Variants in CAMKMT observed in about 807,000 individuals in gnomAD.
CAMKMT encodes the protein CaM KMT.
Under a neutral mutation model 48.0 loss-of-function variants are expected in CAMKMT, and 53 were observed. The observed-to-expected ratio is 1.10, with a 90% CI of 0.89 to 1.39. The LOEUF (loss-of-function observed/expected upper bound fraction) is 1.39. Ranked by LOEUF, CAMKMT falls within the 40% of genes most tolerant of loss-of-function variation. The pLI, the probability that CAMKMT is intolerant of heterozygous loss-of-function variation, is 0.00. For missense variants in CAMKMT, 428 were observed against 402.7 expected (o/e 1.06, Z -0.54); for synonymous variants, 165 against 152.3 (o/e 1.08, Z -0.61).
chr2:44,681,744 CAA>C, intron 3 of CAMKMT, among the ~76,000 whole-genome samples: 1 of 152,218 alleles, frequency 6.6e-6, no homozygotes, highest in East Asian at 1.9e-4. Flanking sequence ...GCCCTTTGTG[CAA>C]AGTCTTGATG....
intron 3 of CAMKMT, chr2:44,400,894 A>G (rs767595237): frequency 3.4e-5 from 5 of 147,686 alleles, no homozygotes; most frequent in Non-Finnish European, 7.4e-5. Flanking sequence ...TTGTGAGTAC[A>G]TGTATGTGTG....
At chr2:44,407,054 C>T (rs1682830755) in intron 3 of CAMKMT, among the ~76,000 whole-genome samples, 1 of 152,140 alleles carries the variant, frequency 6.6e-6, no homozygotes, top group African/African-American at 2.4e-5. Context: ...CAAAAGTGGT[C>T]ATGCCTCTTC....
At chr2:44,474,485 G>A (rs902324911) in intron 3 of CAMKMT, among the ~76,000 whole-genome samples, 6 of 151,378 alleles carry the variant, frequency 4.0e-5, no homozygotes, top group Non-Finnish European at 4.4e-5. Flanking sequence ...AAGAAATGTA[G>A]TAAGTATCGA....
At chr2:44,715,196 A>G in intron 6 of CAMKMT, 91 bp from the exon 7 acceptor site, 1 of 573,042 alleles carries the variant, frequency 1.7e-6, no homozygotes, top group East Asian at 4.0e-5. Flanking sequence ...CTGTCTCAAA[A>G]AAAAAAAAAA....
At chr2:44,425,403 C>A (rs956822056) in intron 3 of CAMKMT, among the ~76,000 whole-genome samples, 1 of 151,870 alleles carries the variant, frequency 6.6e-6, no homozygotes, top group African/African-American at 2.4e-5. Flanking sequence ...AGAGAAATAG[C>A]AATTGCAAGT....
chr2:44,464,176 C>A (rs1667993768), intron 3 of CAMKMT, among the ~76,000 whole-genome samples: 1 of 152,018 alleles, frequency 6.6e-6, no homozygotes, highest in African/African-American at 2.4e-5. Context: ...AATTCTGGAG[C>A]TGAAGAAAAC....
At position 44,607,277 on chromosome 2, in the gene CAMKMT, C is replaced by A. The variant is rs184382866; in HGVS notation, c.377-97006C>A. ...AGAACATTTTCCTCATGTTTTCTAT[C>A]ATCTCCAATAACATTAAAATGTTTA... On this transcript the variant is annotated intron_variant, in intron 3 of 10. Transcript: ENST00000378494. Among the ~76,000 whole-genome samples, 583 of 152,268 alleles carry A rather than the reference C, an allele frequency of 3.8e-3. 7 individuals carry two copies. Among genetic ancestry groups the A allele is most frequent in the Middle Eastern group, 3.4e-3 (1 of 294 alleles).
chr2:44,711,000 C>G (rs1383773826), intron 6 of CAMKMT, among the ~76,000 whole-genome samples: 2 of 152,112 alleles, frequency 1.3e-5, no homozygotes, highest in Non-Finnish European at 2.9e-5. Flanking sequence ...ATGGGTAAAT[C>G]CCCTGTGCTT....
chr2:44,722,784 C>G (rs1233547044), intron 7 of CAMKMT, among the ~76,000 whole-genome samples: 1 of 152,080 alleles, frequency 6.6e-6, no homozygotes, highest in African/African-American at 2.4e-5. Flanking sequence ...TTTGTTGTCA[C>G]TTTGTTTTGC....
chr2:44,439,825 A>ATAAATAAC (rs1666532197), intron 3 of CAMKMT, among the ~76,000 whole-genome samples: 2 of 142,888 alleles, frequency 1.4e-5, no homozygotes, highest in Admixed American at 1.4e-4. Context: ...AAATAAATAA[A>ATAAATAAC]TAAGAAATGC....
At chr2:44,425,052 A>G (rs1396642711) in intron 3 of CAMKMT, among the ~76,000 whole-genome samples, 1 of 152,222 alleles carries the variant, frequency 6.6e-6, no homozygotes, top group African/African-American at 2.4e-5. Flanking sequence ...AATATTCACA[A>G]TTAGAACACA....
intron 3 of CAMKMT, among the ~76,000 whole-genome samples, chr2:44,465,427 G>A (rs563412366): frequency 3.6e-4 from 54 of 152,088 alleles, no homozygotes; most frequent in African/African-American, 1.1e-3. Flanking sequence ...GTGAAACCCC[G>A]TCTCTACTAA....
Position 44,458,803 on chromosome 2 carries a change from T to C in CAMKMT, c.376+68498T>C, listed in dbSNP as rs146894804. On this transcript the variant is annotated intron_variant, in intron 3 of 10. Transcript: ENST00000378494. ...CTATAGCAATACTTGATACATTAAA[T>C]TGTTTAAAAGTGTTTTTTTTCTTCT... Among the ~76,000 whole-genome samples, 1,414 of 152,290 alleles carry C rather than the reference T, an allele frequency of 9.3e-3. 27 individuals carry two copies. Among genetic ancestry groups the C allele is most frequent in the South Asian group, 0.088 (422 of 4,822 alleles).
At chr2:44,633,051 A>T (rs1446841985) in intron 3 of CAMKMT, among the ~76,000 whole-genome samples, 2 of 152,140 alleles carry the variant, frequency 1.3e-5, no homozygotes, top group African/African-American at 2.4e-5. Flanking sequence ...CAATTTTATT[A>T]ACTGCGTAAA....
chr2:44,397,994 A>G (rs1283186528), intron 3 of CAMKMT, among the ~76,000 whole-genome samples: 1 of 152,240 alleles, frequency 6.6e-6, no homozygotes, highest in East Asian at 1.9e-4. Flanking sequence ...GTTTTAGCAC[A>G]AGATATGCCA....
intron 3 of CAMKMT, chr2:44,457,401 CT>C (rs200637467): frequency 2.5e-3 from 347 of 141,332 alleles, no homozygotes; most frequent in Admixed American, 2.9e-3. Flanking sequence ...TTCTTTCTCT[CT>C]TTTTTTTTTT....
chr2:44,695,531 T>C (rs896548691), intron 3 of CAMKMT, among the ~76,000 whole-genome samples: 5 of 152,032 alleles, frequency 3.3e-5, no homozygotes, highest in African/African-American at 4.8e-5. Flanking sequence ...TCCAGAACTG[T>C]CCTACAAAAC....
intron 3 of CAMKMT, among the ~76,000 whole-genome samples, chr2:44,642,753 G>A (rs1673516400): frequency 6.6e-6 from 1 of 152,078 alleles, no homozygotes; most frequent in South Asian, 2.1e-4. Context: ...CTTGGGTCCA[G>A]CCTTCCCAGA....
chr2:44,672,222 A>G (rs1269258153), intron 3 of CAMKMT, among the ~76,000 whole-genome samples: 1 of 152,184 alleles, frequency 6.6e-6, no homozygotes, highest in Non-Finnish European at 1.5e-5. Flanking sequence ...AGATAGCCGC[A>G]TGCAGACTAG....
Sources: allele counts gnomAD v4.1 joint callset (sites outside exome capture counted in the v4.1 genomes callset), GRCh38; gene constraint gnomAD v4.1.1; transcripts MANE v1.5; gene names NCBI Gene and HGNC (gene_info 2026-07-23, HGNC 2026-07-21).